C10orf67: variants seen among roughly 807,000 people sequenced by gnomAD.
The protein encoded by C10orf67 is uncharacterized protein C10orf67, mitochondrial.
In C10orf67, 60 loss-of-function variants were observed where a neutral mutation model predicts 35.6. The ratio of observed to expected loss-of-function variants is 1.68; its 90% confidence interval spans 1.37 to 2.09. The LOEUF is 2.09. Among genes scored for constraint, C10orf67 ranks in the 30% most tolerant of loss-of-function variants. The probability of loss-of-function intolerance (pLI) is 0.00; values close to 1 mark genes in which losing one functional copy is unlikely to be tolerated. For synonymous variants in C10orf67, 167 were observed against 115.8 expected, an observed-to-expected ratio of 1.44 and a Z score of -2.84; for missense variants, 474 against 330.2, an observed-to-expected ratio of 1.44 and a Z score of -3.38.
intron 15 of C10orf67, among the ~76,000 whole-genome samples, chr10:23,212,494 G>T (rs1841334890): frequency 6.6e-6 from 1 of 152,156 alleles, no homozygotes; most frequent in South Asian, 2.1e-4. Flanking sequence ...TTCACTTCTT[G>T]AAGGCAGAAG....
rs181750316 is a variant in C10orf67, at chr10:23,305,735, A to G, written c.547-2276T>C. 2.4e-4 allele frequency among the ~76,000 whole-genome samples: 37 copies of G among 152,336 alleles called. No homozygotes were observed. The East Asian group carries it at 6.0e-3, about 25-fold the overall frequency. On this transcript the variant is annotated intron_variant, in intron 4 of 15. Transcript: ENST00000636213. ...CCTTGTGCACTGTTGATGGGAATGT[A>G]AAGTGGTACAGCCATTATGGAAAAT...
chr10:23,344,024 C>T (rs986361701), intron 1 of C10orf67: 2 of 400,238 alleles, frequency 5.0e-6, no homozygotes, highest in East Asian at 1.9e-4. Context: ...GTGCGCCTCC[C>T]GCGGAGCCGC....
At chr10:23,336,546 G>T (rs1250008177) in intron 1 of C10orf67, among the ~76,000 whole-genome samples, 1 of 152,038 alleles carries the variant, frequency 6.6e-6, no homozygotes. Context: ...ACAGAGTCTT[G>T]CTTTGTCACC....
intron 13 of C10orf67, among the ~76,000 whole-genome samples, chr10:23,233,266 T>C (rs1301393632): frequency 6.6e-6 from 1 of 152,200 alleles, no homozygotes; most frequent in Non-Finnish European, 1.5e-5. Context: ...TTTACTCATA[T>C]CCTGATGACA....
chr10:23,307,980 A>G (rs1054408756), intron 4 of C10orf67, among the ~76,000 whole-genome samples: 3 of 152,152 alleles, frequency 2.0e-5, no homozygotes, highest in African/African-American at 4.8e-5. Flanking sequence ...CTATTCTTAC[A>G]TATGTCTACA....
At chr10:23,307,615 T>G (rs1322373898) in intron 4 of C10orf67, among the ~76,000 whole-genome samples, 8 of 150,886 alleles carry the variant, frequency 5.3e-5, no homozygotes, top group Non-Finnish European at 8.9e-5. Context: ...TTAGTTTTTT[T>G]TTTTTTTTTT....
Position 23,344,675 on chromosome 10 carries a change from G to A in C10orf67, c.100C>T (p.Arg34Cys). ...SSSLRGTFGT[R>C]WEAMKAKATE... ...GCCTTGGCTTTCATGGCCTCCCAGC[G>A]TGTGCCAAAGGTCCCCCTCAAGGAG... Residue 34 changes from arginine (R) to cysteine (C), a missense_variant, in exon 1 of 16, where the codon CGC becomes TGC. Arg to Cys is a radical substitution (Grantham distance 180, BLOSUM62 -3). Transcript: ENST00000636213. 1 of 1,579,506 alleles carries A rather than the reference G, an allele frequency of 6.3e-7. No individual in the cohort carries two copies. The highest frequency in any genetic ancestry group is 8.6e-7 in the Non-Finnish European group (1 of 1,163,126).
intron 12 of C10orf67, among the ~76,000 whole-genome samples, chr10:23,245,246 C>T (rs1333331229): frequency 6.6e-6 from 1 of 152,034 alleles, no homozygotes; most frequent in Non-Finnish European, 1.5e-5. Flanking sequence ...GTCCTGAAAC[C>T]ATAAAATTCC....
chr10:23,267,671 G>C (rs543581457), intron 8 of C10orf67, among the ~76,000 whole-genome samples: 71 of 152,330 alleles, frequency 4.7e-4, no homozygotes, highest in African/African-American at 1.7e-3. Context: ...TTGGGAGGCT[G>C]AGGCAGGTGT....
chr10:23,213,597 T>C lies in C10orf67; in HGVS notation c.1571-9342A>G, dbSNP rs571957864. ...GAGGTAAAAATTAAGGCAAACAGAA[T>C]TTACCATCAACAGGCCCTCACAAAG... On this transcript the variant is annotated intron_variant, in intron 15 of 15. Transcript: ENST00000636213. Among the ~76,000 whole-genome samples the C allele has an allele frequency of 3.0e-3, 458 of 152,290 alleles. 4 individuals carry two copies. The highest frequency in any genetic ancestry group is 0.011 in the African/African-American group (437 of 41,566).
chr10:23,239,588 CT>C, intron 13 of C10orf67, 140 bp downstream of exon 13: 1 of 458,878 alleles, frequency 2.2e-6, no homozygotes, highest in Non-Finnish European at 4.1e-6. Context: ...TCTTAACACC[CT>C]CAGCATCTAG....
At chr10:23,270,591 C>T (rs1184564316) in intron 8 of C10orf67, among the ~76,000 whole-genome samples, 1 of 152,212 alleles carries the variant, frequency 6.6e-6, no homozygotes, top group Non-Finnish European at 1.5e-5. Flanking sequence ...GTTCTGCAGG[C>T]CCCACTTCCA....
chr10:23,222,066 T>C (rs149836231), intron 15 of C10orf67, among the ~76,000 whole-genome samples: 1 of 152,300 alleles, frequency 6.6e-6, no homozygotes, highest in Non-Finnish European at 1.5e-5. Context: ...TTATGGATCA[T>C]AAAACATATT....
chr10:23,218,307 ATTTT>A (rs371926193), intron 15 of C10orf67, among the ~76,000 whole-genome samples: 6 of 119,088 alleles, frequency 5.0e-5, no homozygotes, highest in African/African-American at 1.7e-4. Context: ...CACGAGGCTA[ATTTT>A]TTTTTTTTTT....
At chr10:23,318,646 G>A in intron 4 of C10orf67, 1 of 427,078 alleles carries the variant, frequency 2.3e-6, no homozygotes, top group Non-Finnish European at 4.2e-6. Flanking sequence ...TGTCACAGAT[G>A]CCTTTGGAAA....
At chr10:23,237,604 G>A (rs1291889653) in intron 13 of C10orf67, among the ~76,000 whole-genome samples, 1 of 152,104 alleles carries the variant, frequency 6.6e-6, no homozygotes, top group African/African-American at 2.4e-5. Flanking sequence ...ACTTAAGAAG[G>A]AACAACTGCC....
At chr10:23,207,679 T>C (rs1203904854) in intron 15 of C10orf67, among the ~76,000 whole-genome samples, 1 of 152,250 alleles carries the variant, frequency 6.6e-6, no homozygotes, top group Non-Finnish European at 1.5e-5. Flanking sequence ...ATGTGTTTAA[T>C]AAAGGGCTGG....
chr10:23,259,175 C>A (rs1189271232), intron 10 of C10orf67, among the ~76,000 whole-genome samples: 1 of 152,174 alleles, frequency 6.6e-6, no homozygotes. Context: ...GTTTACCAAT[C>A]TTTAGTGAGC....
rs1841090745 is a variant in C10orf67 at position 23,204,079 on chromosome 10, G to A, written c.*94C>T. On this transcript the variant is annotated 3_prime_UTR_variant, in exon 16 of 16. Coordinates refer to ENST00000636213, the MANE Select transcript of C10orf67 (RefSeq NM_001371909.1). The stretch of plus-strand genomic sequence containing the variant: ...AAACAATTAGTTTAGAAAATCCTTG[G>A]AGATAGTATCCTTTCCGAGGGAGGC... The A allele has an allele frequency of 2.2e-6, 1 of 446,006 alleles. No individual in the cohort carries two copies. The highest frequency in any genetic ancestry group is 4.2e-5 in the Admixed American group (1 of 23,634). The allele number at this position is 446,006 out of a possible 1,614,324, so 27.6% of individuals were successfully genotyped here. A position where few individuals can be genotyped will look rare whatever the true frequency, so the allele number is the denominator to read the frequency against.
Sources: allele counts gnomAD v4.1 joint callset (sites outside exome capture counted in the v4.1 genomes callset), GRCh38; gene constraint gnomAD v4.1.1; transcripts MANE v1.5; gene names NCBI Gene and HGNC (gene_info 2026-07-23, HGNC 2026-07-21).